JCAD: variants seen among roughly 807,000 people sequenced by gnomAD.
JCAD encodes junctional cadherin 5-associated protein.
Under a neutral mutation model 98.0 loss-of-function variants are expected in JCAD, and 40 were observed. The ratio of observed to expected loss-of-function variants is 0.41; its 90% CI spans 0.32 to 0.53. JCAD has a LOEUF of 0.53. JCAD is among the 20% of genes least tolerant of loss of function. The probability of loss-of-function intolerance (pLI) is 0.31; values close to 1 mark genes in which losing one functional copy is unlikely to be tolerated. For synonymous variants in JCAD, 691 were observed against 682.3 expected (o/e 1.01, Z -0.20); for missense variants, 1,705 against 1,738.1 (o/e 0.98, Z 0.34).
At chr10:30,084,284 C>T (rs1490521445) in intron 1 of JCAD, among the ~76,000 whole-genome samples, 1 of 152,046 alleles carries the variant, frequency 6.6e-6, no homozygotes, top group Non-Finnish European at 1.5e-5. Flanking sequence ...GAAAACTTCA[C>T]TATTATTCAA....
At chr10:30,052,160 G>A (rs1031535039) in intron 1 of JCAD, among the ~76,000 whole-genome samples, 2 of 152,230 alleles carry the variant, frequency 1.3e-5, no homozygotes, top group Admixed American at 6.5e-5. Context: ...ACGATCCACT[G>A]ACATTGGGCA....
chr10:30,096,863 C>T (rs976747172), intron 1 of JCAD, among the ~76,000 whole-genome samples: 2 of 152,120 alleles, frequency 1.3e-5, no homozygotes, highest in East Asian at 1.9e-4. Flanking sequence ...TAATTAGCTT[C>T]GAGTCCATTT....
chr10:30,069,446 C>CA (rs35069678), intron 2 of JCAD, among the ~76,000 whole-genome samples: 2,090 of 105,386 alleles, frequency 0.02, 52 homozygotes, highest in African/African-American at 0.061. Flanking sequence ...AGAAAATTTA[C>CA]AAAAAAAAAA....
chr10:30,028,892 C>T lies in JCAD; in HGVS notation c.1256G>A (p.Gly419Asp), dbSNP rs201634172. Residue 419 changes from glycine (G) to aspartate (D), a missense_variant, in exon 3 of 4, where the codon GGC (glycine) becomes GAC (aspartate). By Grantham distance (94) the Gly-to-Asp change is moderately conservative. Transcript: ENST00000375377. ...ATCAAAGGGAATGTACTGAACGAAG[C>T]CGTCATAGGCAGTGACAGGTCGGGG... is the stretch of plus-strand genomic sequence containing the variant. ...AHPRPVTAYD[G>D]FVQYIPFDDP... The T allele has an allele frequency of 1.7e-3, 2,724 of 1,614,190 alleles. 68 individuals are homozygous for T. In the South Asian group the frequency reaches 0.028, roughly 17 times the overall value.
intron 2 of JCAD, among the ~76,000 whole-genome samples, chr10:30,037,271 G>C (rs957000591): frequency 6.6e-6 from 1 of 152,120 alleles, no homozygotes; most frequent in African/African-American, 2.4e-5. Flanking sequence ...ATACCACCCC[G>C]TGCAAATATC....
chr10:30,098,036 C>T (rs1053645777), intron 1 of JCAD, among the ~76,000 whole-genome samples: 2 of 152,130 alleles, frequency 1.3e-5, no homozygotes, highest in Non-Finnish European at 2.9e-5. Flanking sequence ...GACGGTATTG[C>T]TGCCAAATGG....
rs397821817 is a variant in JCAD at position 30,079,367 on chromosome 10, A to AG, written n.129-9547dup. 1.2e-4 allele frequency among the ~76,000 whole-genome samples: 18 copies of AG among 151,380 alleles called. 1 individual carries two copies. Among genetic ancestry groups the AG allele is most frequent in the Admixed American group, 9.9e-4 (15 of 15,142 alleles). The stretch of plus-strand genomic sequence containing the variant: ...ATCTCAAAAAAAAAAAAAAAAAAAA[A>AG]GAATAGTAATCATCACAGGGGCTTC... On this transcript the variant is annotated intron_variant and non_coding_transcript_variant, in intron 1 of 2. Coordinates refer to the JCAD transcript ENST00000465712.
chr10:30,092,062 A>C (rs1310458703), intron 1 of JCAD, among the ~76,000 whole-genome samples: 1 of 12,636 alleles, frequency 7.9e-5, no homozygotes, highest in Non-Finnish European at 1.6e-4. Context: ...AAAAAAAAAA[A>C]AAATATATAT....
intron 2 of JCAD, chr10:30,044,691 T>G: frequency 2.8e-6 from 1 of 352,170 alleles, no homozygotes; most frequent in Non-Finnish European, 4.0e-6. Flanking sequence ...TTTTTTTTTT[T>G]TTAAATTTAA....
intron 1 of JCAD, among the ~76,000 whole-genome samples, chr10:30,050,893 C>T (rs1837453531): frequency 6.6e-6 from 1 of 152,228 alleles, no homozygotes; most frequent in South Asian, 2.1e-4. Flanking sequence ...AGATTCTGTA[C>T]TGGCACACTT....
At chr10:30,035,359 A>G (rs1057222230) in intron 2 of JCAD, among the ~76,000 whole-genome samples, 5 of 152,252 alleles carry the variant, frequency 3.3e-5, no homozygotes, top group African/African-American at 1.2e-4. Flanking sequence ...ATTTAATAAA[A>G]ATACAGGTCA....
chr10:30,092,022 C>T (rs180688302), intron 1 of JCAD, among the ~76,000 whole-genome samples: 1,370 of 88,996 alleles, frequency 0.015, 39 homozygotes, highest in African/African-American at 0.061. Context: ...AGCGAGACTC[C>T]ATCCCCCACC....
At chr10:30,095,719 T>G (rs1254303403) in intron 1 of JCAD, among the ~76,000 whole-genome samples, 1 of 152,190 alleles carries the variant, frequency 6.6e-6, no homozygotes, top group Non-Finnish European at 1.5e-5. Flanking sequence ...GAATCGTGAG[T>G]GCCTGGCTCA....
chr10:30,084,049 G>A (rs1838128313), intron 1 of JCAD, among the ~76,000 whole-genome samples: 1 of 148,782 alleles, frequency 6.7e-6, no homozygotes, highest in Non-Finnish European at 1.5e-5. Flanking sequence ...GAGAAAGGGA[G>A]AAATAGAAAG....
At chr10:30,103,655 T>C (rs149591978) in intron 1 of JCAD, among the ~76,000 whole-genome samples, 306 of 152,078 alleles carry the variant, frequency 2.0e-3, no homozygotes, top group African/African-American at 6.9e-3. Flanking sequence ...CAGCCAGTTC[T>C]TTTGATCCCA....
chr10:30,018,188 T>G (rs1015579566), intron 3 of JCAD, among the ~76,000 whole-genome samples: 20 of 152,204 alleles, frequency 1.3e-4, no homozygotes, highest in African/African-American at 4.1e-4. Flanking sequence ...CTGTTCACCG[T>G]GGAATATACT....
intron 1 of JCAD, among the ~76,000 whole-genome samples, chr10:30,076,268 C>A (rs12247994): frequency 0.015 from 2,341 of 152,124 alleles, 53 homozygotes; most frequent in African/African-American, 0.053. Context: ...CTCAGGTGAT[C>A]CACCTGCCTC....
Position 30,029,875 on chromosome 10 carries a change from CAA to C in JCAD, c.282-11_282-10del. Reference sequence around the variant, plus strand: ...GGGGTTGATTACAAAACCTACAAAACAAAGAGTCACAGACGTTAGGCACAGAA... The same window carrying C: ...GGGGTTGATTACAAAACCTACAAAACAGAGTCACAGACGTTAGGCACAGAA... On this transcript the variant is annotated splice_polypyrimidine_tract_variant and intron_variant, in intron 2 of 3. Coordinates refer to ENST00000375377, the MANE Select transcript of JCAD (RefSeq NM_020848.4). 6.2e-7 allele frequency: 1 copy of C among 1,610,226 alleles called. No individual in the cohort carries two copies.
chr10:30,058,847 C>G (rs1477285648), intron 1 of JCAD, among the ~76,000 whole-genome samples: 5 of 152,182 alleles, frequency 3.3e-5, no homozygotes, highest in Admixed American at 2.6e-4. Flanking sequence ...CGGGCGGCCC[C>G]GGGCACTCGC....
Sources: gnomAD v4.1 joint callset for allele counts (sites outside exome capture counted in the v4.1 genomes callset) on GRCh38, gnomAD v4.1.1 for gene constraint, MANE v1.5 for transcripts, NCBI Gene and HGNC (gene_info 2026-07-23, HGNC 2026-07-21) for gene names.